The following COL20A1 variants were observed in gnomAD, a reference collection of about 807,000 sequenced individuals.
COL20A1 encodes the protein collagen alpha-1(XX) chain.
Under a neutral mutation model 152.9 loss-of-function variants are expected in COL20A1, and 164 were observed. The ratio of observed to expected loss-of-function variants is 1.07; its 90% CI spans 0.94 to 1.22. The LOEUF (loss-of-function observed/expected upper bound fraction) is 1.22. Ranked by LOEUF, COL20A1 falls within the 50% of genes most tolerant of loss-of-function variation. COL20A1 has a pLI of 0.00. For synonymous variants in COL20A1, 864 were observed against 756.0 expected (o/e 1.14, Z -2.34); for missense variants, 1,873 against 1,744.8 (o/e 1.07, Z -1.31).
Position 63,305,614 on chromosome 20 carries a change from C to A in COL20A1, c.337+54C>A. On this transcript the variant is annotated intron_variant, in intron 4 of 35. Coordinates refer to ENST00000358894, the MANE Select transcript of COL20A1 (RefSeq NM_020882.4). This position sits in a 1 kb window ranked among gnomAD's most constrained non-coding sequence, Gnocchi z 4.9. ...CCACTCCTCCAGGCCGGGTCCCACC[C>A]TCCTCTGGGCTGGGGTCCCACCCTC... 1 of 1,517,526 alleles carries A rather than the reference C, an allele frequency of 6.6e-7. No individual in the cohort carries two copies. Among genetic ancestry groups the A allele is most frequent in the Non-Finnish European group, 8.8e-7 (1 of 1,132,222 alleles). The allele number at this position is 1,517,526 out of a possible 1,614,324, so 94.0% of individuals were successfully genotyped here.
At chr20:63,316,840 C>T (rs1400927672) in intron 21 of COL20A1, 149 bp downstream of exon 21, 2 of 643,708 alleles carry the variant, frequency 3.1e-6, no homozygotes, top group African/African-American at 1.9e-5. Context: ...ACGGCTGACT[C>T]ACCCCAGTAC....
chr20:63,310,341 AC>A (rs770459135), intron 10 of COL20A1, 39 bp from the exon 11 acceptor site: 3 of 1,603,406 alleles, frequency 1.9e-6, no homozygotes, highest in Non-Finnish European at 2.6e-6. Context: ...ATCCCCCGGC[AC>A]CCCCCTTCCT....
chr20:63,325,936 T>C (rs1230732023), intron 29 of COL20A1, among the ~76,000 whole-genome samples, 160 bp from the exon 30 acceptor site: 1 of 148,752 alleles, frequency 6.7e-6, no homozygotes, highest in Non-Finnish European at 1.5e-5. Context: ...TGAGGCAGGG[T>C]GGGTGGGGGA....
rs771423395 is a variant in COL20A1 at position 63,332,187 on chromosome 20, G to A, written c.*1471G>A. On this transcript the variant is annotated 3_prime_UTR_variant, in exon 36 of 36. Coordinates refer to ENST00000358894, the MANE Select transcript of COL20A1 (RefSeq NM_020882.4). ...GATTTTGCACTGAGGGACAAGGAGA[G>A]CATGTGGCCAAAGTAGGTGCAGGTA... The A allele has an allele frequency of 6.6e-6, 1 of 152,332 alleles. No individual in the cohort carries two copies. The highest frequency in any genetic ancestry group is 1.5e-5 in the Non-Finnish European group (1 of 68,110). 9.4% of individuals were successfully genotyped at this position (152,332 alleles called of 1,614,324 possible). A position where few individuals can be genotyped will look rare whatever the true frequency, so the allele number is the denominator to read the frequency against.
rs749119769 is a variant in COL20A1 at position 63,312,018 on chromosome 20, T to C, written c.1766T>C (p.Val589Ala). The C allele has an allele frequency of 6.2e-7, 1 of 1,604,474 alleles. No homozygotes were observed. Among genetic ancestry groups the C allele is most frequent in the South Asian group, 1.1e-5 (1 of 90,314 alleles). The change falls in exon 14 of 36, where the codon GTC becomes GCC. Residue 589 changes from valine to alanine, a missense_variant. Coordinates refer to ENST00000358894, the MANE Select transcript of COL20A1 (RefSeq NM_020882.4). ...CCGAGGCCTGTGCGCCTGGTCAGGG[T>C]CACCTATGTGTCCAGCGAGGGTGGA... is the stretch of plus-strand genomic sequence containing the variant. The part of the protein sequence containing the change: ...GAPRPVRLVR[V>A]TYVSSEGGHS...
At chr20:63,307,425 T>G in intron 5 of COL20A1, 65 bp from the exon 6 acceptor site, 1 of 1,478,390 alleles carries the variant, frequency 6.8e-7, no homozygotes, top group East Asian at 2.3e-5. Flanking sequence ...CCGGGGTAGG[T>G]GATCTGGGGG....
chr20:63,326,908 CCTA>C, intron 31 of COL20A1, 85 bp downstream of exon 31: 2 of 943,100 alleles, frequency 2.1e-6, no homozygotes, highest in Non-Finnish European at 3.0e-6. Context: ...TCAGGGACTT[CCTA>C]CTGACAGCTC....
In COL20A1 at chr20:63,319,900, C is replaced by T. The variant is rs886993908; in HGVS notation, c.2917-139C>T. Reference sequence around the variant, plus strand: ...AAGGGGGGGTTCTCCCAGGGTCCCCCGAAACCTGAGGTGAGGTCAGGTTCC... The same window carrying T: ...AAGGGGGGGTTCTCCCAGGGTCCCCTGAAACCTGAGGTGAGGTCAGGTTCC... On this transcript the variant is annotated intron_variant, in intron 23 of 35. Transcript: ENST00000358894. The surrounding 1 kb of genome is among the most constrained non-coding windows in gnomAD (Gnocchi z 4.4). 13 of 844,164 alleles carry T rather than the reference C, an allele frequency of 1.5e-5. No individual in the cohort carries two copies. Among genetic ancestry groups the T allele is most frequent in the Non-Finnish European group, 2.0e-5 (11 of 558,752 alleles). The allele number at this position is 844,164 out of a possible 1,614,324, so 52.3% of individuals were successfully genotyped here.
rs1448581797 is a variant in COL20A1 at position 63,313,130 on chromosome 20, G to C, written c.2090G>C (p.Gly697Ala). The change falls in exon 17 of 36, where the codon GGG becomes GCG. Residue 697 changes from glycine to alanine, a missense_variant. Physicochemically the swap from Gly to Ala is moderately conservative, Grantham distance 60 (BLOSUM62 0). Transcript: ENST00000358894. This position sits in a 1 kb window ranked among gnomAD's most constrained non-coding sequence, Gnocchi z 5.9. ...TCCTCTCCCTAGATCTCTGTCCCAG[G>C]GAACCTCGGCACGGCCGTCCTGCCT... is the stretch of plus-strand genomic sequence containing the variant. ...EGKAHEISVP[G>A]NLGTAVLPGL... The C allele has an allele frequency of 6.2e-7, 1 of 1,609,696 alleles. No homozygotes were observed.
intron 20 of COL20A1, 49 bp from the exon 21 acceptor site, chr20:63,316,504 G>A (rs2068086069): frequency 3.3e-6 from 5 of 1,517,100 alleles, no homozygotes; most frequent in Non-Finnish European, 3.6e-6. Context: ...TCCCTCCCCT[G>A]CCATCTCTGA....
chr20:63,314,040 A>T, intron 18 of COL20A1, 32 bp from the exon 19 acceptor site: 2 of 1,612,182 alleles, frequency 1.2e-6, no homozygotes, highest in East Asian at 4.5e-5. Flanking sequence ...GTTGCCCAGG[A>T]AGTGGGGACC....
At chr20:63,308,280 G>T (rs373542787) in intron 7 of COL20A1, among the ~76,000 whole-genome samples, 190 bp downstream of exon 7, 2 of 152,192 alleles carry the variant, frequency 1.3e-5, no homozygotes, top group Admixed American at 6.5e-5. Context: ...TGTCCAGCGC[G>T]TGGCTCCTCT....
rs1221059189 is a variant in COL20A1, at chr20:63,305,687, C to T, written c.337+127C>T. The T allele has an allele frequency of 1.2e-5, 14 of 1,216,232 alleles. No individual in the cohort carries two copies. Among genetic ancestry groups the T allele is most frequent in the African/African-American group, 1.5e-5 (1 of 65,654 alleles). 75.3% of individuals were successfully genotyped at this position (1,216,232 alleles called of 1,614,324 possible). A position where few individuals can be genotyped will look rare whatever the true frequency, so the allele number is the denominator to read the frequency against. ...AGGGGTGGGTATGTGTGAAGCAGTTCTGGGCTGTGCTAGGGGCAGGTTCAA... is the reference window on the plus strand; with the variant it reads ...AGGGGTGGGTATGTGTGAAGCAGTTTTGGGCTGTGCTAGGGGCAGGTTCAA... On this transcript the variant is annotated intron_variant, in intron 4 of 35. Transcript: ENST00000358894. This position sits in a 1 kb window ranked among gnomAD's most constrained non-coding sequence, Gnocchi z 4.9.
chr20:63,305,806 G>A lies in COL20A1; in HGVS notation c.338-75G>A. 6.9e-7 allele frequency: 1 copy of A among 1,455,946 alleles called. No individual in the cohort carries two copies. Among genetic ancestry groups the A allele is most frequent in the Non-Finnish European group, 9.6e-7 (1 of 1,045,194 alleles). The allele number at this position is 1,455,946 out of a possible 1,614,324, so 90.2% of individuals were successfully genotyped here. A position where few individuals can be genotyped will look rare whatever the true frequency, so the allele number is the denominator to read the frequency against. On this transcript the variant is annotated intron_variant, in intron 4 of 35. Transcript: ENST00000358894. The surrounding 1 kb of genome is among the most constrained non-coding windows in gnomAD (Gnocchi z 4.9). ...CAGCACCCACAGATGCGCCCTTGAA[G>A]GGGTGTATGTGCAGCTGCCCCAGTG...
chr20:63,329,337 T>A, intron 34 of COL20A1: 1 of 563,354 alleles, frequency 1.8e-6, no homozygotes, highest in Non-Finnish European at 3.2e-6. Context: ...ACAGGCACTA[T>A]CACAGGGCCC....
chr20:63,305,197 G>A lies in COL20A1; in HGVS notation c.194-220G>A, dbSNP rs1214826292. Among the ~76,000 whole-genome samples the A allele has an allele frequency of 1.3e-5, 2 of 152,052 alleles. No individual in the cohort carries two copies. The highest frequency in any genetic ancestry group is 1.3e-4 in the Admixed American group (2 of 15,260). Reference sequence around the variant, plus strand: ...GGATTCCTCTAGGGGGGTTTAGTAAGTGACATCTTCTTTTCACCGCCCCAA... The same window carrying A: ...GGATTCCTCTAGGGGGGTTTAGTAAATGACATCTTCTTTTCACCGCCCCAA... On this transcript the variant is annotated intron_variant, in intron 3 of 35. Transcript: ENST00000358894. This position sits in a 1 kb window ranked among gnomAD's most constrained non-coding sequence, Gnocchi z 4.9.
rs2314251 is a variant in COL20A1 at position 63,325,430 on chromosome 20, T to G, written c.3295-11T>G. 1.2e-6 allele frequency: 2 copies of G among 1,608,210 alleles called. No homozygotes were observed. On this transcript the variant is annotated splice_polypyrimidine_tract_variant and intron_variant, in intron 27 of 35. Coordinates refer to ENST00000358894, the MANE Select transcript of COL20A1 (RefSeq NM_020882.4). ...CTCCGCTTCGCTGTCCAGCCCATCT[T>G]CCCCCTCCAGGGTCCACCAGGGGTC...
In COL20A1 at chr20:63,311,379, T is replaced by C. The variant is rs756580348; in HGVS notation, c.1394-15T>C. The C allele has an allele frequency of 8.9e-6, 14 of 1,572,472 alleles. No individual in the cohort carries two copies. In the Middle Eastern group the frequency reaches 6.7e-4, roughly 75 times the overall value. ...TGTGGGCTCCTTCCTAAAGTGTCCC[T>C]GCATGGCCCCCCAGCACCTCTGCCT... On this transcript the variant is annotated splice_polypyrimidine_tract_variant and intron_variant, in intron 11 of 35. Transcript: ENST00000358894. This position sits in a 1 kb window ranked among gnomAD's most constrained non-coding sequence, Gnocchi z 4.4.
At position 63,325,448 on chromosome 20, in the gene COL20A1, CA is replaced by C. The variant is rs1251552280; in HGVS notation, c.3303del (p.Val1103SerfsTer34). ...CCCATCTTCCCCCTCCAGGGTCCACCAGGGGTCAAAGGAGAGAAGGGAGACC... is the reference window on the plus strand; with the variant it reads ...CCCATCTTCCCCCTCCAGGGTCCACCGGGGTCAAAGGAGAGAAGGGAGACC... ...EQGFPGPRGP[P>X]GVKGEKGDHG... is the part of the protein sequence containing the mutation. On this transcript the variant is annotated frameshift_variant, in exon 28 of 36. Coordinates refer to ENST00000358894, the MANE Select transcript of COL20A1 (RefSeq NM_020882.4). LOFTEE classifies it high-confidence loss of function. The C allele has an allele frequency of 3.1e-6, 5 of 1,612,374 alleles. No individual in the cohort carries two copies. The African/African-American group carries it at 5.3e-5, about 17-fold the overall frequency.
Sources: gnomAD v4.1 joint callset for allele counts (sites outside exome capture counted in the v4.1 genomes callset) on GRCh38, gnomAD v4.1.1 for gene constraint, Gnocchi (gnomAD v3.1) non-coding constraint, MANE v1.5 for transcripts, NCBI Gene and HGNC (gene_info 2026-07-23, HGNC 2026-07-21) for gene names.